Variants in PCDH15 observed in about 807,000 individuals in gnomAD.
The protein encoded by PCDH15 is protocadherin related 15, also known as protocadherin-15.
A neutral mutation model predicts 178.5 loss-of-function variants in PCDH15; 129 were observed. That is an observed-to-expected ratio of 0.72 (90% confidence interval 0.63 to 0.84). The LOEUF (loss-of-function observed/expected upper bound fraction) is 0.84. Ranked by LOEUF, PCDH15 falls within the 40% of genes least tolerant of loss-of-function variation. PCDH15 has a pLI of 0.00. For missense variants in PCDH15, 2,230 were observed against 2,099.9 expected (o/e 1.06, Z -1.21); for synonymous variants, 800 against 732.0 (o/e 1.09, Z -1.50).
At chr10:55,057,282 A>G (rs1009081787) in intron 2 of PCDH15, among the ~76,000 whole-genome samples, 1 of 151,818 alleles carries the variant, frequency 6.6e-6, no homozygotes, top group African/African-American at 2.4e-5. Flanking sequence ...TGATTTCTGT[A>G]TTTTGGTATT....
At chr10:55,417,883 A>G (rs1838523229) in intron 2 of PCDH15, among the ~76,000 whole-genome samples, 1 of 151,614 alleles carries the variant, frequency 6.6e-6, no homozygotes, top group Non-Finnish European at 1.5e-5. Context: ...TGTTTTTAAC[A>G]AGAAATAATT....
At chr10:55,393,576 C>T (rs1356982786) in intron 2 of PCDH15, among the ~76,000 whole-genome samples, 3 of 152,090 alleles carry the variant, frequency 2.0e-5, no homozygotes, top group South Asian at 2.1e-4. Context: ...TATGGGTCAA[C>T]GTTTCAGGGC....
At chr10:55,008,788 G>T (rs1839986541) in intron 2 of PCDH15, among the ~76,000 whole-genome samples, 1 of 151,518 alleles carries the variant, frequency 6.6e-6, no homozygotes, top group African/African-American at 2.4e-5. Context: ...AATAATTTAT[G>T]AAAAAATATA....
chr10:54,687,230 A>G (rs909097744), intron 1 of PCDH15, among the ~76,000 whole-genome samples: 2 of 152,188 alleles, frequency 1.3e-5, no homozygotes, highest in African/African-American at 4.8e-5. Flanking sequence ...TGCAGCCACT[A>G]TAGAAATCAC....
rs145187650 is a variant in PCDH15 at position 55,197,349 on chromosome 10, C to G, written c.-155-30698G>C. Among the ~76,000 whole-genome samples, 9 of 152,134 alleles carry G rather than the reference C, an allele frequency of 5.9e-5. No homozygotes were observed. In the East Asian group the frequency reaches 1.7e-3, roughly 29 times the overall value. ...CAGCATCTTTTTGCTCTAAAACACA[C>G]TTTTGAATACTTGCAGAAGGAAATC... On this transcript the variant is annotated intron_variant, in intron 1 of 5. Coordinates refer to the PCDH15 transcript ENST00000458638.
At chr10:54,408,905 G>A (rs1405813034) in intron 3 of PCDH15, among the ~76,000 whole-genome samples, 1 of 152,086 alleles carries the variant, frequency 6.6e-6, no homozygotes, top group Non-Finnish European at 1.5e-5. Context: ...GCATTTCCTA[G>A]GTGATATGGC....
intron 2 of PCDH15, among the ~76,000 whole-genome samples, chr10:55,470,473 T>A (rs980726246): frequency 1.3e-5 from 2 of 152,226 alleles, no homozygotes; most frequent in African/African-American, 4.8e-5. Context: ...TTAAGTAATT[T>A]ATTATCATGA....
chr10:54,740,628 C>A (rs1944666844), intron 1 of PCDH15, among the ~76,000 whole-genome samples: 3 of 151,806 alleles, frequency 2.0e-5, no homozygotes, highest in Admixed American at 2.0e-4. Flanking sequence ...TAATCTACGT[C>A]CATCAGCAAA....
rs2660137 is a variant in PCDH15 at position 54,016,017 on chromosome 10, G to A, written c.2751+4175C>T. On this transcript the variant is annotated intron_variant, in intron 20 of 37. Coordinates refer to ENST00000644397, the MANE Select transcript of PCDH15 (RefSeq NM_001384140.1). ...ATGGGTGAAAATGCTTACAAACTAC[G>A]CATCTGACAAAGGTCAAATATCCAG... Among the ~76,000 whole-genome samples, 1,159 of 152,098 alleles carry A rather than the reference G, an allele frequency of 7.6e-3. 9 individuals carry two copies. The highest frequency in any genetic ancestry group is 0.026 in the African/African-American group (1,063 of 41,498).
At chr10:54,979,620 G>A (rs1383487602) in intron 2 of PCDH15, among the ~76,000 whole-genome samples, 1 of 144,894 alleles carries the variant, frequency 6.9e-6, no homozygotes, top group Admixed American at 7.2e-5. Flanking sequence ...AGTGAGCTAA[G>A]ATTGTGCCAC....
Position 53,983,363 on chromosome 10 carries a change from A to G in PCDH15, c.2868+12286T>C, listed in dbSNP as rs546356173. 8.6e-3 allele frequency among the ~76,000 whole-genome samples: 1,037 copies of G among 120,376 alleles called. 10 individuals are homozygous for G. The highest frequency in any genetic ancestry group is 0.042 in the African/African-American group (866 of 20,812). The allele number at this position is 120,376 out of a possible 152,430, so 79.0% of individuals were successfully genotyped here. A position where few individuals can be genotyped will look rare whatever the true frequency, so the allele number is the denominator to read the frequency against. On this transcript the variant is annotated intron_variant, in intron 21 of 37. Transcript: ENST00000644397. ...TATCCTTAAAGGACAAAAGAGAAAG[A>G]AAAAAAAAAAAACAGCAGGCGGAAC...
At chr10:55,535,102 C>G (rs188854082) in intron 2 of PCDH15, among the ~76,000 whole-genome samples, 4 of 152,106 alleles carry the variant, frequency 2.6e-5, no homozygotes, top group Admixed American at 6.6e-5. Flanking sequence ...CTATTGGGTA[C>G]TCTTCTCACT....
chr10:54,416,380 G>GT (rs1214485564), intron 3 of PCDH15, among the ~76,000 whole-genome samples: 2 of 151,926 alleles, frequency 1.3e-5, no homozygotes, highest in Non-Finnish European at 2.9e-5. Flanking sequence ...GCAGTGTTTG[G>GT]TTTTCTGTTC....
At chr10:55,025,598 T>C (rs1012697766) in intron 2 of PCDH15, among the ~76,000 whole-genome samples, 1 of 152,112 alleles carries the variant, frequency 6.6e-6, no homozygotes, top group African/African-American at 2.4e-5. Flanking sequence ...AGACAAAATA[T>C]GTAAATTAAT....
chr10:54,119,934 CCT>C (rs1162428709), intron 15 of PCDH15, among the ~76,000 whole-genome samples: 1 of 152,050 alleles, frequency 6.6e-6, no homozygotes, highest in East Asian at 1.9e-4. Flanking sequence ...CTCCCCACTC[CCT>C]GACAGGCCCT....
At chr10:53,831,273 C>A (rs1217550806) in intron 30 of PCDH15, 42 bp downstream of exon 30, 3 of 1,581,372 alleles carry the variant, frequency 1.9e-6, no homozygotes, top group East Asian at 2.2e-5. Flanking sequence ...TCTGCAATGA[C>A]TTCTGAGGAA....
intron 2 of PCDH15, among the ~76,000 whole-genome samples, chr10:55,621,081 C>G (rs1273489135): frequency 6.6e-6 from 1 of 151,790 alleles, no homozygotes; most frequent in Non-Finnish European, 1.5e-5. Flanking sequence ...ATTGATTCAT[C>G]AAATTATTAA....
chr10:54,402,229 A>G (rs1480341431), intron 3 of PCDH15, among the ~76,000 whole-genome samples: 1 of 151,988 alleles, frequency 6.6e-6, no homozygotes, highest in Non-Finnish European at 1.5e-5. Context: ...TAACTTCCTC[A>G]ATCTGATAAG....
chr10:54,200,851 C>T (rs2050162776), intron 10 of PCDH15, among the ~76,000 whole-genome samples: 1 of 152,092 alleles, frequency 6.6e-6, no homozygotes, highest in African/African-American at 2.4e-5. Context: ...CACTCCCTTG[C>T]TCAATCTAGT....
Sources: allele counts gnomAD v4.1 joint callset (sites outside exome capture counted in the v4.1 genomes callset), GRCh38; gene constraint gnomAD v4.1.1; transcripts MANE v1.5; gene names NCBI Gene and HGNC (gene_info 2026-07-23, HGNC 2026-07-21).